LRRC8D: variants seen among roughly 807,000 people sequenced by gnomAD.
The protein encoded by LRRC8D is volume-regulated anion channel subunit LRRC8D.
In LRRC8D, 20 loss-of-function variants were observed where a neutral mutation model predicts 55.8. The ratio of observed to expected loss-of-function variants is 0.36; its 90% CI spans 0.25 to 0.52. LRRC8D has a LOEUF of 0.52. LRRC8D is among the 20% of genes least tolerant of loss of function. The pLI, the probability that LRRC8D is intolerant of heterozygous loss-of-function variation, is 0.93. For synonymous variants in LRRC8D, 352 were observed against 377.0 expected (o/e 0.93, Z 0.77); for missense variants, 651 against 1,030.8 (o/e 0.63, Z 5.05).
intron 2 of LRRC8D, among the ~76,000 whole-genome samples, chr1:89,887,784 A>T (rs115283401): frequency 0.013 from 2,014 of 152,298 alleles, 45 homozygotes; most frequent in African/African-American, 0.046. Context: ...TGAATTTAAA[A>T]TATGGGATAG....
In LRRC8D at chr1:89,826,779, T is replaced by A. The variant is rs540612932; in HGVS notation, c.-148+5488T>A. Among the ~76,000 whole-genome samples, 43 of 152,312 alleles carry A rather than the reference T, an allele frequency of 2.8e-4. No homozygotes were observed. In the East Asian group the frequency reaches 8.1e-3, roughly 29 times the overall value. On this transcript the variant is annotated intron_variant, in intron 1 of 2. Coordinates refer to ENST00000337338, the MANE Select transcript of LRRC8D (RefSeq NM_001134479.2). The stretch of plus-strand genomic sequence containing the variant: ...AAGAAGGAACACACAGTGGAATTTC[T>A]AGGTTTGCAGATGACAGCTTTTCTG...
chr1:89,864,211 G>A (rs919558272), intron 2 of LRRC8D, among the ~76,000 whole-genome samples: 4 of 152,130 alleles, frequency 2.6e-5, no homozygotes, highest in Non-Finnish European at 5.9e-5. Flanking sequence ...GAATATTGCC[G>A]CCTCTGGGTG....
intron 2 of LRRC8D, among the ~76,000 whole-genome samples, chr1:89,922,149 C>T (rs865773904): frequency 7.2e-5 from 11 of 152,124 alleles, no homozygotes; most frequent in Middle Eastern, 3.4e-3. Flanking sequence ...CTGAAACCTC[C>T]GCCTCTCAGG....
chr1:89,889,816 G>A (rs978995625), intron 2 of LRRC8D, among the ~76,000 whole-genome samples: 10 of 151,830 alleles, frequency 6.6e-5, no homozygotes, highest in African/African-American at 2.4e-4. Context: ...CTGGGTAGTC[G>A]AGGCTGCAGT....
intron 2 of LRRC8D, among the ~76,000 whole-genome samples, chr1:89,888,208 TA>T (rs1662472365): frequency 6.6e-6 from 1 of 152,198 alleles, no homozygotes; most frequent in South Asian, 2.1e-4. Flanking sequence ...TTAAATAACT[TA>T]GGAACTATAT....
intron 1 of LRRC8D, among the ~76,000 whole-genome samples, chr1:89,832,296 A>G (rs78223032): frequency 0.029 from 4,402 of 152,348 alleles, 142 homozygotes; most frequent in South Asian, 0.037. Context: ...GAGGATTTTT[A>G]AAAGCATTTT....
intron 2 of LRRC8D, among the ~76,000 whole-genome samples, chr1:89,900,541 T>C (rs956963653): frequency 3.3e-5 from 5 of 150,972 alleles, no homozygotes; most frequent in Admixed American, 6.6e-5. Context: ...TAAAAATAAA[T>C]CTTAGTTCAG....
chr1:89,906,936 T>C (rs1007837183), intron 2 of LRRC8D, among the ~76,000 whole-genome samples: 7 of 152,148 alleles, frequency 4.6e-5, no homozygotes, highest in African/African-American at 1.7e-4. Flanking sequence ...TGGGGGCTCA[T>C]GTAGAAAAGG....
intron 1 of LRRC8D, chr1:89,843,353 G>A (rs1437303050): frequency 2.3e-5 from 6 of 256,802 alleles, no homozygotes; most frequent in Non-Finnish European, 3.7e-5. Context: ...GGGAGAACCC[G>A]AGCAGCAGCT....
At chr1:89,897,865 C>T (rs1222364644) in intron 2 of LRRC8D, among the ~76,000 whole-genome samples, 1 of 152,132 alleles carries the variant, frequency 6.6e-6, no homozygotes, top group Non-Finnish European at 1.5e-5. Flanking sequence ...AAGTGGTGGG[C>T]AGCCGAGGTG....
intron 2 of LRRC8D, among the ~76,000 whole-genome samples, chr1:89,885,371 A>G (rs1662394500): frequency 6.6e-6 from 1 of 152,250 alleles, no homozygotes; most frequent in African/African-American, 2.4e-5. Context: ...GAGTCATAAA[A>G]GAAACATGAG....
At chr1:89,832,443 A>G (rs1428837745) in intron 1 of LRRC8D, among the ~76,000 whole-genome samples, 2 of 152,196 alleles carry the variant, frequency 1.3e-5, no homozygotes, top group Non-Finnish European at 1.5e-5. Flanking sequence ...GATCTGAACT[A>G]TGTCTTTCTA....
chr1:89,851,972 A>G (rs970221848), intron 2 of LRRC8D, among the ~76,000 whole-genome samples: 3 of 151,452 alleles, frequency 2.0e-5, no homozygotes, highest in Non-Finnish European at 4.4e-5. Context: ...GCCAATAGTT[A>G]TAGGATTACG....
At position 89,901,833 on chromosome 1, in the gene LRRC8D, A is replaced by G. The variant is rs541483167; in HGVS notation, c.-2-31234A>G. Among the ~76,000 whole-genome samples, 8 of 152,328 alleles carry G rather than the reference A, an allele frequency of 5.3e-5. No individual in the cohort carries two copies. The East Asian group carries it at 1.2e-3, about 22-fold the overall frequency. On this transcript the variant is annotated intron_variant, in intron 2 of 2. Coordinates refer to ENST00000337338, the MANE Select transcript of LRRC8D (RefSeq NM_001134479.2). ...TTTAAATTTGATTTCTGTTTGGAGG[A>G]ACGCTATAATCTTTGCAGTACGTCG... is the stretch of plus-strand genomic sequence containing the variant.
intron 2 of LRRC8D, among the ~76,000 whole-genome samples, chr1:89,901,408 T>A (rs1250533892): frequency 1.3e-5 from 2 of 152,222 alleles, no homozygotes; most frequent in Non-Finnish European, 2.9e-5. Context: ...TTAGATTGTT[T>A]CTGAAGTTCT....
intron 1 of LRRC8D, among the ~76,000 whole-genome samples, chr1:89,837,475 T>G (rs989912064): frequency 6.6e-6 from 1 of 152,204 alleles, no homozygotes; most frequent in Non-Finnish European, 1.5e-5. Flanking sequence ...GTCTTATGGG[T>G]AAGAAAATGT....
At chr1:89,878,935 C>G (rs967357148) in intron 2 of LRRC8D, among the ~76,000 whole-genome samples, 52 of 145,846 alleles carry the variant, frequency 3.6e-4, no homozygotes, top group Admixed American at 7.7e-4. Context: ...CCACTGCACT[C>G]TAGCCTGGGC....
At chr1:89,902,685 G>A (rs992862933) in intron 2 of LRRC8D, among the ~76,000 whole-genome samples, 10 of 151,740 alleles carry the variant, frequency 6.6e-5, no homozygotes, top group South Asian at 6.3e-4. Context: ...TACAGGGCCC[G>A]GCTAATTTTT....
At chr1:89,836,175 AT>A (rs138867418) in intron 1 of LRRC8D, among the ~76,000 whole-genome samples, 2 of 150,588 alleles carry the variant, frequency 1.3e-5, no homozygotes, top group Non-Finnish European at 3.0e-5. Flanking sequence ...AATATAGGTC[AT>A]TTTTTTTTCA....
Sources: allele counts gnomAD v4.1 joint callset (sites outside exome capture counted in the v4.1 genomes callset), GRCh38; gene constraint gnomAD v4.1.1; transcripts MANE v1.5; gene names NCBI Gene and HGNC (gene_info 2026-07-23, HGNC 2026-07-21).